Variants in LHFPL3 observed in about 807,000 individuals in gnomAD.
The protein encoded by LHFPL3 is LHFPL tetraspan subfamily member 3 protein.
Under a neutral mutation model 19.3 loss-of-function variants are expected in LHFPL3, and 5 were observed. The ratio of observed to expected loss-of-function variants is 0.26; its 90% CI spans 0.14 to 0.54. LHFPL3 has a LOEUF of 0.54. Ranked by LOEUF, LHFPL3 falls within the 20% of genes least tolerant of loss-of-function variation. LHFPL3 has a pLI of 0.94. For missense variants in LHFPL3, 249 were observed against 307.4 expected (o/e 0.81, Z 1.42); for synonymous variants, 133 against 126.2 (o/e 1.05, Z -0.36).
chr7:104,756,150 G>A (rs569905467), intron 2 of LHFPL3, among the ~76,000 whole-genome samples: 17 of 151,846 alleles, frequency 1.1e-4, no homozygotes, highest in South Asian at 2.1e-4. Flanking sequence ...AAACACATGC[G>A]TGCACACACT....
intron 1 of LHFPL3, among the ~76,000 whole-genome samples, chr7:104,414,760 C>T (rs1363699526): frequency 6.6e-6 from 1 of 152,208 alleles, no homozygotes; most frequent in Admixed American, 6.5e-5. Flanking sequence ...TTTCGTGCTG[C>T]CAACCAGCAG....
chr7:104,608,181 A>G (rs972080103), intron 1 of LHFPL3, among the ~76,000 whole-genome samples: 4 of 152,128 alleles, frequency 2.6e-5, no homozygotes, highest in African/African-American at 2.4e-5. Flanking sequence ...ATGCTGCTAT[A>G]AAGACACATG....
At chr7:104,372,699 AG>A (rs1202044711) in intron 1 of LHFPL3, among the ~76,000 whole-genome samples, 1 of 152,198 alleles carries the variant, frequency 6.6e-6, no homozygotes, top group East Asian at 1.9e-4. Flanking sequence ...GTGAGATCCA[AG>A]TAAGATATGA....
chr7:104,517,448 A>C (rs1039350934), intron 1 of LHFPL3, among the ~76,000 whole-genome samples: 1 of 151,282 alleles, frequency 6.6e-6, no homozygotes, highest in Non-Finnish European at 1.5e-5. Context: ...ACAAATGTTA[A>C]ATCAATCATC....
At chr7:104,581,334 G>A (rs1318406061) in intron 1 of LHFPL3, among the ~76,000 whole-genome samples, 1 of 152,024 alleles carries the variant, frequency 6.6e-6, no homozygotes, top group Non-Finnish European at 1.5e-5. Context: ...TTTGTGAAGT[G>A]TTTGTTCACA....
intron 1 of LHFPL3, among the ~76,000 whole-genome samples, chr7:104,504,886 A>C (rs1793666945): frequency 6.6e-6 from 1 of 152,200 alleles, no homozygotes; most frequent in African/African-American, 2.4e-5. Context: ...TTGTGGTGGA[A>C]GCTTTTAGTT....
intron 1 of LHFPL3, among the ~76,000 whole-genome samples, chr7:104,661,288 C>G (rs1050151227): frequency 3.2e-4 from 48 of 152,322 alleles, no homozygotes; most frequent in African/African-American, 1.1e-3. Flanking sequence ...TGTGAAGGTG[C>G]TGCCCTGCCT....
intron 1 of LHFPL3, among the ~76,000 whole-genome samples, chr7:104,611,512 A>G (rs1383707424): frequency 6.6e-6 from 1 of 152,244 alleles, no homozygotes; most frequent in Non-Finnish European, 1.5e-5. Context: ...TGACAGTGTC[A>G]GAATCAAAGG....
chr7:104,465,986 T>C (rs903725541), intron 1 of LHFPL3, among the ~76,000 whole-genome samples: 2 of 152,248 alleles, frequency 1.3e-5, no homozygotes, highest in African/African-American at 4.8e-5. Flanking sequence ...TTGTTTCAAT[T>C]ATGTGATTGA....
intron 2 of LHFPL3, among the ~76,000 whole-genome samples, chr7:104,768,140 GAAAA>G (rs11362068): frequency 5.3e-5 from 7 of 132,330 alleles, no homozygotes; most frequent in Admixed American, 7.5e-5. Flanking sequence ...TTATTCTCGT[GAAAA>G]AAAAAAAAAA....
intron 1 of LHFPL3, among the ~76,000 whole-genome samples, chr7:104,636,402 G>A (rs1791729679): frequency 6.6e-6 from 1 of 152,136 alleles, no homozygotes; most frequent in Admixed American, 6.6e-5. Flanking sequence ...TTTAGGTTAA[G>A]GGGTACATGT....
At chr7:104,899,104 A>AATATATAT (rs34311079) in intron 2 of LHFPL3, among the ~76,000 whole-genome samples, 9 of 148,626 alleles carry the variant, frequency 6.1e-5, no homozygotes, top group African/African-American at 2.2e-4. Flanking sequence ...CCCCATCTCT[A>AATATATAT]ATATATATAT....
intron 2 of LHFPL3, among the ~76,000 whole-genome samples, chr7:104,820,919 T>C (rs558693646): frequency 1.1e-4 from 17 of 152,204 alleles, no homozygotes; most frequent in African/African-American, 3.6e-4. Flanking sequence ...TTTTCTAGGA[T>C]TGGGTCCCAG....
At chr7:104,335,156 A>T (rs1789769714) in intron 1 of LHFPL3, among the ~76,000 whole-genome samples, 1 of 151,840 alleles carries the variant, frequency 6.6e-6, no homozygotes, top group African/African-American at 2.4e-5. Context: ...TGTTCAGGAC[A>T]ATCATCTGTC....
chr7:104,695,674 G>A (rs1475015805), intron 1 of LHFPL3, among the ~76,000 whole-genome samples: 1 of 152,124 alleles, frequency 6.6e-6, no homozygotes, highest in Non-Finnish European at 1.5e-5. Context: ...CAAGAGGAAG[G>A]GAAAGTGCCC....
At chr7:104,332,964 C>G (rs1440303401) in intron 1 of LHFPL3, among the ~76,000 whole-genome samples, 1 of 147,574 alleles carries the variant, frequency 6.8e-6, no homozygotes, top group African/African-American at 2.5e-5. Context: ...AAAAAAGAGG[C>G]TTTCTGTGTG....
intron 1 of LHFPL3, among the ~76,000 whole-genome samples, chr7:104,464,397 A>G (rs555115576): frequency 6.6e-6 from 1 of 152,216 alleles, no homozygotes; most frequent in East Asian, 1.9e-4. Context: ...CCCTCTTCTC[A>G]CAGCTCCACT....
intron 1 of LHFPL3, among the ~76,000 whole-genome samples, chr7:104,707,788 C>G (rs1441323132): frequency 6.6e-6 from 1 of 152,196 alleles, no homozygotes; most frequent in Non-Finnish European, 1.5e-5. Context: ...TTACGATTCC[C>G]TATCCAGTGC....
At chr7:104,702,462 A>C (rs1045786641) in intron 1 of LHFPL3, among the ~76,000 whole-genome samples, 6 of 152,192 alleles carry the variant, frequency 3.9e-5, no homozygotes, top group Admixed American at 3.9e-4. Context: ...AAATAAGCTC[A>C]TGGTGAACCC....
Sources: allele counts gnomAD v4.1 joint callset (sites outside exome capture counted in the v4.1 genomes callset), GRCh38; gene constraint gnomAD v4.1.1; transcripts MANE v1.5; gene names NCBI Gene and HGNC (gene_info 2026-07-23, HGNC 2026-07-21).